The following EPDR1 variants were observed in gnomAD, a reference collection of about 807,000 sequenced individuals.
EPDR1 encodes the protein mammalian ependymin-related protein 1.
EPDR1 carries 27 observed loss-of-function variants against 23.7 expected under a neutral mutation model. That is an observed-to-expected ratio of 1.14 (90% CI 0.84 to 1.57). The LOEUF is 1.57. EPDR1 is among the 40% of genes most tolerant of loss of function. EPDR1 has a pLI of 0.00. For missense variants in EPDR1, 349 were observed against 290.4 expected (o/e 1.20, Z -1.47); for synonymous variants, 137 against 118.2 (o/e 1.16, Z -1.03).
chr7:37,946,728 C>T (rs181412760), intron 1 of EPDR1, among the ~76,000 whole-genome samples: 57 of 152,128 alleles, frequency 3.7e-4, no homozygotes, highest in Non-Finnish European at 5.0e-4. Context: ...GAGGGTGATA[C>T]TTATGATCCT....
chr7:37,933,719 C>A (rs907184261), intron 1 of EPDR1, among the ~76,000 whole-genome samples: 2 of 152,102 alleles, frequency 1.3e-5, no homozygotes, highest in Admixed American at 6.6e-5. Flanking sequence ...AATATTTGGG[C>A]CCTGCTCATT....
Position 37,951,439 on chromosome 7 carries a change from A to G in EPDR1, c.*1043A>G, listed in dbSNP as rs1786405517. 1 of 152,252 alleles carries G rather than the reference A, an allele frequency of 6.6e-6. No individual in the cohort carries two copies. The allele number at this position is 152,252 out of a possible 1,614,324, so 9.4% of individuals were successfully genotyped here. A position where few individuals can be genotyped will look rare whatever the true frequency, so the allele number is the denominator to read the frequency against. Reference sequence around the variant, plus strand: ...TGAGCATGCATTTCTCACAATAATTATTAAGCTGTGTGATAATTTCTGCTT... The same window carrying G: ...TGAGCATGCATTTCTCACAATAATTGTTAAGCTGTGTGATAATTTCTGCTT... On this transcript the variant is annotated 3_prime_UTR_variant, in exon 3 of 3. Coordinates refer to ENST00000199448, the MANE Select transcript of EPDR1 (RefSeq NM_017549.5).
chr7:37,931,693 G>GTTTTGT (rs1299845587), intron 1 of EPDR1, among the ~76,000 whole-genome samples: 1 of 151,588 alleles, frequency 6.6e-6, no homozygotes, highest in African/African-American at 2.4e-5. Context: ...GTTTCACTTT[G>GTTTTGT]TTTTGTTTTT....
At chr7:37,939,201 G>A (rs2472658) in intron 1 of EPDR1, among the ~76,000 whole-genome samples, 51,838 of 151,712 alleles carry the variant, frequency 0.34, 9,022 homozygotes, top group South Asian at 0.46. Flanking sequence ...GGATGGTCTC[G>A]ATCTCCTGAC....
At chr7:37,925,941 CT>C (rs529458373) in intron 1 of EPDR1, among the ~76,000 whole-genome samples, 165 of 152,254 alleles carry the variant, frequency 1.1e-3, no homozygotes, top group African/African-American at 3.9e-3. Context: ...CTTTTTCTTC[CT>C]TCTCTTTTTC....
Position 37,950,222 on chromosome 7 carries a change from T to C in EPDR1, c.501T>C (p.Tyr167=). 1 of 1,612,934 alleles carries C rather than the reference T, an allele frequency of 6.2e-7. No homozygotes were observed. Among genetic ancestry groups the C allele is most frequent in the Admixed American group, 1.7e-5 (1 of 59,980 alleles). Reference sequence around the variant, plus strand: ...TAGATGAAACCTGGATTGGCATCTATACAGTCAAGGATTGCTATCCTGTCC... The same window carrying C: ...TAGATGAAACCTGGATTGGCATCTACACAGTCAAGGATTGCTATCCTGTCC... ...ARSYETWIGI[Y]TVKDCYPVQE... The change falls in exon 3 of 3, where the codon TAT becomes TAC. Residue 167 remains tyrosine, a synonymous_variant. Transcript: ENST00000199448.
chr7:37,936,039 T>TATATATATATATATATATACAC lies in EPDR1; in HGVS notation c.270-12800_270-12799insTATATATATATATATATACACA, dbSNP rs57925993. On this transcript the variant is annotated intron_variant, in intron 1 of 2. Transcript: ENST00000199448. ...ATATATATATATATATATATATATATACACAAGGGAAATGTGAATCTGTTA... is the reference window on the plus strand; with the variant it reads ...ATATATATATATATATATATATATATATATATATATATATATATACACACACAAGGGAAATGTGAATCTGTTA... 3.7e-5 allele frequency among the ~76,000 whole-genome samples: 3 copies of TATATATATATATATATATACAC among 80,940 alleles called. 1 individual carries two copies. 53.1% of individuals were successfully genotyped at this position (80,940 alleles called of 152,430 possible). A position where few individuals can be genotyped will look rare whatever the true frequency, so the allele number is the denominator to read the frequency against.
chr7:37,921,125 C>A lies in EPDR1; in HGVS notation c.186C>A (p.Asn62Lys). 6.3e-7 allele frequency: 1 copy of A among 1,595,074 alleles called. No homozygotes were observed. The highest frequency in any genetic ancestry group is 8.5e-7 in the Non-Finnish European group (1 of 1,178,264). Residue 62 changes from asparagine to lysine, a missense_variant, in exon 1 of 3, where the codon AAC becomes AAA. Asn to Lys is a moderately conservative substitution (Grantham distance 94, BLOSUM62 0). Coordinates refer to ENST00000199448, the MANE Select transcript of EPDR1 (RefSeq NM_017549.5). Reference protein sequence around the residue: ...QVMYQQSSGRNSRALLSYDGL... With the variant: ...QVMYQQSSGRKSRALLSYDGL... ...TGTACCAGCAAAGTAGCGGGCGCAA[C>A]AGCCGCGCCCTGCTCTCCTACGACG...
chr7:37,947,092 C>T (rs1482847129), intron 1 of EPDR1, among the ~76,000 whole-genome samples: 1 of 152,082 alleles, frequency 6.6e-6, no homozygotes, highest in Non-Finnish European at 1.5e-5. Context: ...TCTGTCACCA[C>T]TCACTCACTC....
Position 37,950,516 on chromosome 7 carries a change from T to C in EPDR1, c.*120T>C, listed in dbSNP as rs763550549. 6.3e-6 allele frequency: 6 copies of C among 948,024 alleles called. No homozygotes were observed. The highest frequency in any genetic ancestry group is 5.8e-5 in the Admixed American group (2 of 34,640). 58.7% of individuals were successfully genotyped at this position (948,024 alleles called of 1,614,324 possible). On this transcript the variant is annotated 3_prime_UTR_variant, in exon 3 of 3. Coordinates refer to ENST00000199448, the MANE Select transcript of EPDR1 (RefSeq NM_017549.5). Reference sequence around the variant, plus strand: ...GGAGAGAAATATAATTTTAGGAAGATGCACATTGATGTGGGGTTTTGATGT... The same window carrying C: ...GGAGAGAAATATAATTTTAGGAAGACGCACATTGATGTGGGGTTTTGATGT...
chr7:37,933,246 G>A (rs971506768), intron 1 of EPDR1, among the ~76,000 whole-genome samples: 15 of 152,218 alleles, frequency 9.9e-5, no homozygotes, highest in African/African-American at 2.4e-4. Context: ...ATTATAGTGC[G>A]TATTAAACAA....
intron 1 of EPDR1, among the ~76,000 whole-genome samples, chr7:37,937,985 A>ATTTTTTTTTTTTTTTTTTTTTGTTTTTTT (rs1786089344): frequency 1.4e-5 from 1 of 72,424 alleles, no homozygotes; most frequent in Non-Finnish European, 2.7e-5. Context: ...TGCCCTTTAA[A>ATTTTTTTTTTTTTTTTTTTTTGTTTTTTT]TTTTTTTTTT....
chr7:37,949,101 AG>A (rs1342213185), intron 2 of EPDR1, 53 bp downstream of exon 2: 5 of 1,548,336 alleles, frequency 3.2e-6, no homozygotes, highest in Non-Finnish European at 4.4e-6. Context: ...ATGGGGAAAA[AG>A]GTTTAAGTCC....
chr7:37,923,341 T>G (rs1235044925), intron 1 of EPDR1, among the ~76,000 whole-genome samples: 1 of 152,144 alleles, frequency 6.6e-6, no homozygotes, highest in Non-Finnish European at 1.5e-5. Flanking sequence ...GAGGTTCAAC[T>G]GAGGAAAATG....
At position 37,949,132 on chromosome 7, in the gene EPDR1, A is replaced by G. The variant is rs1786342652; in HGVS notation, c.478+84A>G. ...AAGTCCTTTAAGGAAGGTAGTTTTTAGGGAAACATCCGCTTAATCAAAAAT... is the reference window on the plus strand; with the variant it reads ...AAGTCCTTTAAGGAAGGTAGTTTTTGGGGAAACATCCGCTTAATCAAAAAT... On this transcript the variant is annotated intron_variant, in intron 2 of 2. Transcript: ENST00000199448. 21 of 1,373,602 alleles carry G rather than the reference A, an allele frequency of 1.5e-5. No homozygotes were observed. The Admixed American group carries it at 2.1e-4, about 14-fold the overall frequency. The allele number at this position is 1,373,602 out of a possible 1,614,324, so 85.1% of individuals were successfully genotyped here. A position where few individuals can be genotyped will look rare whatever the true frequency, so the allele number is the denominator to read the frequency against.
chr7:37,940,522 T>G (rs80173658), intron 1 of EPDR1, among the ~76,000 whole-genome samples: 6,126 of 152,246 alleles, frequency 0.04, 409 homozygotes, highest in African/African-American at 0.14. Context: ...AGTAAATTTT[T>G]GACACAATAC....
chr7:37,926,816 G>T (rs926312598), intron 1 of EPDR1: 1 of 407,514 alleles, frequency 2.5e-6, no homozygotes, highest in Non-Finnish European at 5.1e-6. Context: ...AGTAAGATTT[G>T]GTAGGGAAAT....
chr7:37,940,987 C>T (rs1282573779), intron 1 of EPDR1, among the ~76,000 whole-genome samples: 1 of 151,986 alleles, frequency 6.6e-6, no homozygotes. Flanking sequence ...TTAGCCTGTG[C>T]CACCTTGTGT....
intron 1 of EPDR1, among the ~76,000 whole-genome samples, chr7:37,937,810 T>C (rs1349376175): frequency 6.6e-6 from 1 of 151,920 alleles, no homozygotes; most frequent in Non-Finnish European, 1.5e-5. Context: ...AATTAAAAGA[T>C]ATGAATAAAA....
Sources: allele counts gnomAD v4.1 joint callset (sites outside exome capture counted in the v4.1 genomes callset), GRCh38; gene constraint gnomAD v4.1.1; transcripts MANE v1.5; gene names NCBI Gene and HGNC (gene_info 2026-07-23, HGNC 2026-07-21).